Variants in TESK2 observed in about 807,000 individuals in gnomAD.
TESK2 encodes dual specificity testis-specific protein kinase 2.
TESK2 carries 39 observed loss-of-function variants against 57.1 expected under a neutral mutation model. The ratio of observed to expected loss-of-function variants is 0.68; its 90% CI spans 0.53 to 0.89. The LOEUF (loss-of-function observed/expected upper bound fraction) is 0.89. TESK2 is among the 40% of genes least tolerant of loss of function. The pLI, the probability that TESK2 is intolerant of heterozygous loss-of-function variation, is 0.00. For missense variants in TESK2, 646 were observed against 732.1 expected (o/e 0.88, Z 1.36); for synonymous variants, 249 against 267.9 (o/e 0.93, Z 0.69).
At position 45,373,617 on chromosome 1, in the gene TESK2, T is replaced by C. The variant is rs79573543; in HGVS notation, c.393+12295A>G. ...TAGGAAACAGACACAAGCAATTGCA[T>C]TGAAATGAGCTAAAATGAGCAAGTA... On this transcript the variant is annotated intron_variant, in intron 4 of 10. Coordinates refer to ENST00000372086, the MANE Select transcript of TESK2 (RefSeq NM_007170.3). Among the ~76,000 whole-genome samples, 115 of 152,268 alleles carry C rather than the reference T, an allele frequency of 7.6e-4. No homozygotes were observed. The East Asian group carries it at 0.013, about 18-fold the overall frequency.
intron 3 of TESK2, among the ~76,000 whole-genome samples, chr1:45,398,100 G>C (rs1041590195): frequency 1.3e-4 from 20 of 151,978 alleles, no homozygotes; most frequent in African/African-American, 4.6e-4. Flanking sequence ...GTAGAGATGG[G>C]GTTTCCTTAT....
rs751534657 is a variant in TESK2 at position 45,344,919 on chromosome 1, T to C, written c.1637A>G (p.Glu546Gly). The C allele has an allele frequency of 2.2e-5, 35 of 1,614,058 alleles. No individual in the cohort carries two copies. Among genetic ancestry groups the C allele is most frequent in the Non-Finnish European group, 2.3e-5 (27 of 1,180,040 alleles). The change falls in exon 11 of 11, where the codon GAA (glutamate) becomes GGA (glycine). Residue 546 changes from glutamate (E) to glycine (G), a missense_variant. Glu to Gly is a moderately conservative substitution (Grantham distance 98). Coordinates refer to ENST00000372086, the MANE Select transcript of TESK2 (RefSeq NM_007170.3). Reference sequence around the variant, plus strand: ...GGCTGGAGTTGAGCCTGCTGGCCTTTCTTCTACCTCCATCTCCTCAGAAGC... The same window carrying C: ...GGCTGGAGTTGAGCCTGCTGGCCTTCCTTCTACCTCCATCTCCTCAGAAGC... ...AGASEEMEVE[E>G]RPAGSTPATF...
chr1:45,478,721 C>CTT (rs772741820), intron 1 of TESK2, among the ~76,000 whole-genome samples: 17 of 142,110 alleles, frequency 1.2e-4, no homozygotes, highest in Non-Finnish European at 1.2e-4. Context: ...TGGTTTTTAA[C>CTT]TTTTTTTTTT....
At chr1:45,487,072 A>G (rs1180293950) in intron 1 of TESK2, among the ~76,000 whole-genome samples, 1 of 151,254 alleles carries the variant, frequency 6.6e-6, no homozygotes, top group African/African-American at 2.4e-5. Context: ...CAAGTGATCC[A>G]CCCGCCTTGG....
intron 2 of TESK2, among the ~76,000 whole-genome samples, chr1:45,444,478 A>T (rs748986734): frequency 2.1e-4 from 32 of 152,338 alleles, no homozygotes; most frequent in Middle Eastern, 3.4e-3. Context: ...TGCTATCCCT[A>T]TTGCCTCAAA....
chr1:45,429,742 C>A lies in TESK2; in HGVS notation c.223-7896G>T, dbSNP rs1650872789. Reference sequence around the variant, plus strand: ...GGAAAGAGAGATAACAGCCAATCACCCAAACTGACCAGCTTCAATCTTCAA... The same window carrying A: ...GGAAAGAGAGATAACAGCCAATCACACAAACTGACCAGCTTCAATCTTCAA... On this transcript the variant is annotated intron_variant, in intron 2 of 10. Coordinates refer to ENST00000372086, the MANE Select transcript of TESK2 (RefSeq NM_007170.3). Among the ~76,000 whole-genome samples, 4 of 152,256 alleles carry A rather than the reference C, an allele frequency of 2.6e-5. No homozygotes were observed. The South Asian group carries it at 8.3e-4, about 32-fold the overall frequency.
chr1:45,440,593 G>A (rs1195185066), intron 2 of TESK2, among the ~76,000 whole-genome samples: 1 of 151,918 alleles, frequency 6.6e-6, no homozygotes, highest in Non-Finnish European at 1.5e-5. Context: ...GTGTGTGCTT[G>A]TATTCCCAGC....
chr1:45,372,288 G>C (rs1648221542), intron 4 of TESK2, among the ~76,000 whole-genome samples: 1 of 150,538 alleles, frequency 6.6e-6, no homozygotes, highest in African/African-American at 2.4e-5. Context: ...AGATGAAAAA[G>C]ATCTGGCAGC....
At chr1:45,397,493 T>G (rs1649415376) in intron 3 of TESK2, among the ~76,000 whole-genome samples, 1 of 152,196 alleles carries the variant, frequency 6.6e-6, no homozygotes, top group Non-Finnish European at 1.5e-5. Flanking sequence ...AAGTCCAAAT[T>G]CCTTACCATG....
chr1:45,488,532 G>A (rs1475227319), intron 1 of TESK2, among the ~76,000 whole-genome samples: 28 of 152,130 alleles, frequency 1.8e-4, no homozygotes, highest in Non-Finnish European at 7.4e-5. Context: ...AAACACACAT[G>A]TGCCATAATG....
chr1:45,403,698 T>C (rs929624399), intron 3 of TESK2, among the ~76,000 whole-genome samples: 1 of 151,954 alleles, frequency 6.6e-6, no homozygotes, highest in Non-Finnish European at 1.5e-5. Flanking sequence ...ATCTAAAAAG[T>C]TAAAGTCAGA....
At chr1:45,423,788 C>T (rs1325150537) in intron 2 of TESK2, among the ~76,000 whole-genome samples, 1 of 152,174 alleles carries the variant, frequency 6.6e-6, no homozygotes, top group African/African-American at 2.4e-5. Context: ...AGAACTCAAT[C>T]TATTGTGCAT....
chr1:45,389,393 A>T lies in TESK2; in HGVS notation c.345-3433T>A, dbSNP rs1034248698. ...ATGCCACTGTACTCAAGCCTGGGTG[A>T]CAGCGTGAGACCCTGTCTCCAACAA... is the stretch of plus-strand genomic sequence containing the variant. On this transcript the variant is annotated intron_variant, in intron 3 of 10. Transcript: ENST00000372086. 3.9e-5 allele frequency among the ~76,000 whole-genome samples: 6 copies of T among 152,220 alleles called. No individual in the cohort carries two copies. In the South Asian group the frequency reaches 1.2e-3, roughly 32 times the overall value.
chr1:45,343,954 A>C lies in TESK2; in HGVS notation c.*886T>G. ...AAGTTTTACAAAAAAAAAAATCAACAGAAGCAAGTTATGAAAATATTTGAC... is the reference window on the plus strand; with the variant it reads ...AAGTTTTACAAAAAAAAAAATCAACCGAAGCAAGTTATGAAAATATTTGAC... On this transcript the variant is annotated 3_prime_UTR_variant, in exon 11 of 11. Transcript: ENST00000372086. This position sits in a 1 kb window ranked among gnomAD's most constrained non-coding sequence, Gnocchi z 4.3. The C allele has an allele frequency of 2.3e-6, 1 of 425,724 alleles. No individual in the cohort carries two copies. The highest frequency in any genetic ancestry group is 4.2e-6 in the Non-Finnish European group (1 of 236,416). 26.4% of individuals were successfully genotyped at this position (425,724 alleles called of 1,614,324 possible). A position where few individuals can be genotyped will look rare whatever the true frequency, so the allele number is the denominator to read the frequency against.
At chr1:45,432,997 T>A (rs1557571771) in intron 2 of TESK2, among the ~76,000 whole-genome samples, 1 of 149,802 alleles carries the variant, frequency 6.7e-6, no homozygotes, top group Non-Finnish European at 1.5e-5. Context: ...CTCCTGAGCT[T>A]GGGCAATCTG....
chr1:45,347,100 G>A (rs751028057), intron 7 of TESK2, 38 bp from the exon 8 acceptor site: 11 of 1,588,572 alleles, frequency 6.9e-6, no homozygotes, highest in Middle Eastern at 1.7e-4. Flanking sequence ...CTCTTAATGG[G>A]TTGAGGGGTA....
chr1:45,463,690 T>C (rs981826884), intron 1 of TESK2, among the ~76,000 whole-genome samples: 1 of 152,104 alleles, frequency 6.6e-6, no homozygotes, highest in Non-Finnish European at 1.5e-5. Context: ...GCTCAGGTGA[T>C]CCTCCCAACT....
At chr1:45,361,875 C>T (rs1647703261) in intron 4 of TESK2, among the ~76,000 whole-genome samples, 3 of 152,120 alleles carry the variant, frequency 2.0e-5, no homozygotes, top group Admixed American at 1.3e-4. Flanking sequence ...CAGTGGCTCT[C>T]GCCTGTAATC....
chr1:45,418,157 A>T (rs1342695668), intron 3 of TESK2, among the ~76,000 whole-genome samples: 1 of 152,212 alleles, frequency 6.6e-6, no homozygotes, highest in Non-Finnish European at 1.5e-5. Context: ...TTTCTTACTA[A>T]TTCTATTTTC....
Sources: gnomAD v4.1 joint callset for allele counts (sites outside exome capture counted in the v4.1 genomes callset) on GRCh38, gnomAD v4.1.1 for gene constraint, Gnocchi (gnomAD v3.1) non-coding constraint, MANE v1.5 for transcripts, NCBI Gene and HGNC (gene_info 2026-07-23, HGNC 2026-07-21) for gene names.